Variants in MEMO1 observed in about 807,000 individuals in gnomAD.
The protein encoded by MEMO1 is protein MEMO1.
Under a neutral mutation model 45.2 loss-of-function variants are expected in MEMO1, and 6 were observed. The observed-to-expected ratio is 0.13, with a 90% confidence interval of 0.07 to 0.26. The LOEUF (loss-of-function observed/expected upper bound fraction) is 0.26, where lower values mean the gene tolerates loss of function less well. MEMO1 is among the 10% of genes least tolerant of loss of function. The pLI, the probability that MEMO1 is intolerant of heterozygous loss-of-function variation, is 1.00. For synonymous variants in MEMO1, 78 were observed against 124.3 expected, an observed-to-expected ratio of 0.63 and a Z score of 2.48; for missense variants, 184 against 370.5, an observed-to-expected ratio of 0.50 and a Z score of 4.13.
chr2:31,868,452 A>T lies in MEMO1; in HGVS notation c.803T>A (p.Phe268Tyr). ...ELQKNGMNMS[F>Y]SFLNYAQSSQ... ...CGACTGGGCATAATTCAAAAACGAAAAACTCATATTCATTCCATTCTTCTG... is the reference window on the plus strand; with the variant it reads ...CGACTGGGCATAATTCAAAAACGAATAACTCATATTCATTCCATTCTTCTG... Residue 268 changes from phenylalanine to tyrosine, a missense_variant, in exon 10 of 10, where the codon TTT (phenylalanine) becomes TAT (tyrosine). Transcript: ENST00000404530. The T allele has an allele frequency of 6.2e-7, 1 of 1,605,776 alleles. No homozygotes were observed.
intron 3 of MEMO1, among the ~76,000 whole-genome samples, chr2:31,940,661 T>G (rs1019780687): frequency 1.3e-5 from 2 of 152,142 alleles, no homozygotes; most frequent in Admixed American, 1.3e-4. Context: ...CCTCCCTCCA[T>G]CTACCAAGTA....
chr2:31,938,935 T>G (rs1044990964), intron 3 of MEMO1, among the ~76,000 whole-genome samples: 1 of 151,652 alleles, frequency 6.6e-6, no homozygotes, highest in Non-Finnish European at 1.5e-5. Flanking sequence ...TGCAGGCTCA[T>G]GCCACCACAC....
intron 4 of MEMO1, among the ~76,000 whole-genome samples, chr2:31,922,845 G>A (rs1682519530): frequency 6.6e-6 from 1 of 151,908 alleles, no homozygotes; most frequent in Non-Finnish European, 1.5e-5. Context: ...GTGTATATAT[G>A]TACCACATTT....
intron 2 of MEMO1, among the ~76,000 whole-genome samples, chr2:31,958,469 A>T (rs1043553060): frequency 9.9e-5 from 15 of 151,932 alleles, no homozygotes; most frequent in African/African-American, 3.4e-4. Context: ...CTTTAAAAGG[A>T]TTCTACAATG....
intron 2 of MEMO1, among the ~76,000 whole-genome samples, chr2:32,000,388 G>A (rs1673142116): frequency 1.3e-5 from 2 of 151,894 alleles, no homozygotes; most frequent in Admixed American, 6.6e-5. Flanking sequence ...CTGCCACCAC[G>A]CCCAGCTAAT....
chr2:32,002,144 C>CAAAAAAAAAAA, intron 2 of MEMO1, among the ~76,000 whole-genome samples: 1 of 55,694 alleles, frequency 1.8e-5, no homozygotes, highest in Non-Finnish European at 3.2e-5. Flanking sequence ...GACTCTGTCT[C>CAAAAAAAAAAA]AAAAAAAAAA....
intron 6 of MEMO1, among the ~76,000 whole-genome samples, chr2:31,901,097 C>T (rs1435637232): frequency 1.3e-5 from 2 of 151,946 alleles, no homozygotes; most frequent in East Asian, 3.9e-4. Flanking sequence ...ATGAGCTGGG[C>T]GTGGTGGCTC....
chr2:31,918,532 AT>A (rs1367059618), intron 5 of MEMO1, among the ~76,000 whole-genome samples: 1 of 152,138 alleles, frequency 6.6e-6, no homozygotes, highest in Admixed American at 6.5e-5. Context: ...GTGTGGTATT[AT>A]TTCACACCTG....
intron 5 of MEMO1, among the ~76,000 whole-genome samples, chr2:31,918,784 A>G (rs1337167737): frequency 6.6e-6 from 1 of 152,172 alleles, no homozygotes; most frequent in Non-Finnish European, 1.5e-5. Flanking sequence ...CATAGAATAG[A>G]ACCAATTTTA....
At chr2:31,881,855 A>G (rs1034008036) in intron 8 of MEMO1, among the ~76,000 whole-genome samples, 13 of 152,118 alleles carry the variant, frequency 8.5e-5, no homozygotes, top group Admixed American at 2.0e-4. Flanking sequence ...AGAAAAGAAA[A>G]GAAAAAAGCT....
At chr2:31,984,500 A>G (rs544660286) in intron 2 of MEMO1, among the ~76,000 whole-genome samples, 66 of 152,304 alleles carry the variant, frequency 4.3e-4, no homozygotes, top group African/African-American at 1.4e-3. Flanking sequence ...CCTGGATAAG[A>G]TCCTAGAACA....
At chr2:31,914,616 T>C (rs572522754) in intron 6 of MEMO1, among the ~76,000 whole-genome samples, 1 of 152,138 alleles carries the variant, frequency 6.6e-6, no homozygotes, top group African/African-American at 2.4e-5. Flanking sequence ...ATATACACCA[T>C]GCACCCACAA....
chr2:31,904,579 G>T (rs941836067), intron 6 of MEMO1, among the ~76,000 whole-genome samples: 2 of 152,164 alleles, frequency 1.3e-5, no homozygotes, highest in Admixed American at 1.3e-4. Flanking sequence ...TCACAATAGG[G>T]TTCACACTCC....
At chr2:31,985,507 G>C (rs1671154425) in intron 2 of MEMO1, among the ~76,000 whole-genome samples, 1 of 151,944 alleles carries the variant, frequency 6.6e-6, no homozygotes, top group African/African-American at 2.4e-5. Context: ...TGTATTTTTA[G>C]TACAGACAGG....
At chr2:31,943,830 T>A (rs1465439359) in intron 2 of MEMO1, among the ~76,000 whole-genome samples, 1 of 152,112 alleles carries the variant, frequency 6.6e-6, no homozygotes, top group Non-Finnish European at 1.5e-5. Flanking sequence ...TCCATCCCAC[T>A]CCAGTCCCCT....
intron 3 of MEMO1, among the ~76,000 whole-genome samples, chr2:31,933,348 A>AAAAATATATATAT (rs1558514269): frequency 6.2e-5 from 1 of 16,186 alleles, no homozygotes; most frequent in Non-Finnish European, 1.0e-4. Flanking sequence ...AAAAAAAAAA[A>AAAAATATATATAT]ATTTATATAT....
chr2:31,892,319 A>T (rs1677097669), intron 6 of MEMO1, among the ~76,000 whole-genome samples, 185 bp from the exon 7 acceptor site: 1 of 152,190 alleles, frequency 6.6e-6, no homozygotes, highest in Non-Finnish European at 1.5e-5. Flanking sequence ...ACGATTAAAA[A>T]TATGAGTCAT....
intron 2 of MEMO1, among the ~76,000 whole-genome samples, chr2:31,975,985 GA>G (rs1419632199): frequency 3.3e-5 from 5 of 152,232 alleles, no homozygotes; most frequent in African/African-American, 1.2e-4. Flanking sequence ...ACCTCTCCCA[GA>G]TTCAAGTGAT....
At chr2:31,920,468 G>T (rs375097627) in intron 5 of MEMO1, among the ~76,000 whole-genome samples, 1 of 151,928 alleles carries the variant, frequency 6.6e-6, no homozygotes, top group African/African-American at 2.4e-5. Flanking sequence ...AAATTAACAC[G>T]CCCAGAATCT....
Sources: allele counts gnomAD v4.1 joint callset (sites outside exome capture counted in the v4.1 genomes callset), GRCh38; gene constraint gnomAD v4.1.1; transcripts MANE v1.5; gene names NCBI Gene and HGNC (gene_info 2026-07-23, HGNC 2026-07-21).